C1QTNF3: variants seen among roughly 807,000 people sequenced by gnomAD.
C1QTNF3 encodes the protein C1q and TNF related 3, also known as complement C1q tumor necrosis factor-related protein 3.
Under a neutral mutation model 32.6 loss-of-function variants are expected in C1QTNF3, and 26 were observed. That is an observed-to-expected ratio of 0.80 (90% CI 0.58 to 1.11). The LOEUF (loss-of-function observed/expected upper bound fraction) is 1.11, where lower values mean the gene tolerates loss of function less well. Among genes scored for constraint, C1QTNF3 ranks in the 50% least tolerant of loss-of-function variants. C1QTNF3 has a pLI of 0.00. For missense variants in C1QTNF3, 362 were observed against 398.2 expected (o/e 0.91, Z 0.77); for synonymous variants, 155 against 146.0 (o/e 1.06, Z -0.44).
the C1QTNF3 span, among the ~76,000 whole-genome samples, chr5:34,129,882 T>C: frequency 6.6e-6 from 1 of 152,080 alleles, no homozygotes; most frequent in South Asian, 2.1e-4. Context: ...AATTTTCTCA[T>C]ATTCCATAAT....
chr5:34,203,221 CACAAAG>C, the C1QTNF3 span, among the ~76,000 whole-genome samples: 21 of 152,004 alleles, frequency 1.4e-4, no homozygotes, highest in Non-Finnish European at 2.2e-4. Flanking sequence ...TCCACCAAAC[CACAAAG>C]ACAAAGAGAC....
At chr5:34,137,919 A>C in the C1QTNF3 span, among the ~76,000 whole-genome samples, 1 of 152,220 alleles carries the variant, frequency 6.6e-6, no homozygotes, top group Non-Finnish European at 1.5e-5. Context: ...AATGCAACCC[A>C]TTTGGAGACA....
chr5:34,167,579 C>A, the C1QTNF3 span: 1 of 152,318 alleles, frequency 6.6e-6, no homozygotes, highest in African/African-American at 2.4e-5. Context: ...CCAAGCCACA[C>A]AACACCCAGC....
At chr5:34,223,842 G>A in the C1QTNF3 span, among the ~76,000 whole-genome samples, 1 of 152,084 alleles carries the variant, frequency 6.6e-6, no homozygotes, top group Admixed American at 6.6e-5. Flanking sequence ...ATTCAATTAG[G>A]AAAAGAGGAA....
At chr5:34,121,380 C>T in the C1QTNF3 span, among the ~76,000 whole-genome samples, 1 of 152,052 alleles carries the variant, frequency 6.6e-6, no homozygotes, top group Non-Finnish European at 1.5e-5. Context: ...ATTGGAGGTA[C>T]AGTTCCACAT....
upstream of C1QTNF3, among the ~76,000 whole-genome samples, chr5:34,044,204 C>CA (rs1254465247): frequency 6.6e-6 from 1 of 152,020 alleles, no homozygotes; most frequent in Non-Finnish European, 1.5e-5. Flanking sequence ...TTAATTCAGC[C>CA]AAAAAGAAAA....
rs942757630 is a variant in C1QTNF3 at position 34,018,242 on chromosome 5, T to A, written c.*2341A>T. ...TATAAATTTTCTATAGTGAGTTTTTTAAATAAAAATATATATATTTAAATA... is the reference window on the plus strand; with the variant it reads ...TATAAATTTTCTATAGTGAGTTTTTAAAATAAAAATATATATATTTAAATA... On this transcript the variant is annotated 3_prime_UTR_variant, in exon 6 of 6. Transcript: ENST00000382065. Among the ~76,000 whole-genome samples, 4 of 152,050 alleles carry A rather than the reference T, an allele frequency of 2.6e-5. No homozygotes were observed. The highest frequency in any genetic ancestry group is 3.8e-4 in the East Asian group (2 of 5,196).
the C1QTNF3 span, among the ~76,000 whole-genome samples, chr5:34,129,049 G>C: frequency 1.3e-5 from 2 of 152,030 alleles, no homozygotes; most frequent in Admixed American, 1.3e-4. Flanking sequence ...AATCATGGGG[G>C]CACACTTCCC....
chr5:34,069,881 A>G, the C1QTNF3 span, among the ~76,000 whole-genome samples: 1 of 152,196 alleles, frequency 6.6e-6, no homozygotes, highest in African/African-American at 2.4e-5. Context: ...TTAGAGTCAC[A>G]TAGAACAGAG....
chr5:34,205,615 C>T, the C1QTNF3 span, among the ~76,000 whole-genome samples: 1 of 152,056 alleles, frequency 6.6e-6, no homozygotes, highest in Non-Finnish European at 1.5e-5. Context: ...CCCATCCTTG[C>T]TTCCTGTACA....
At chr5:34,042,473 A>G (rs1413402076) in intron 1 of C1QTNF3, among the ~76,000 whole-genome samples, 1 of 152,156 alleles carries the variant, frequency 6.6e-6, no homozygotes, top group Non-Finnish European at 1.5e-5. Context: ...GTCTACAGTG[A>G]CCGATCTGTC....
intron 1 of C1QTNF3, among the ~76,000 whole-genome samples, chr5:34,040,290 A>G (rs1041987539): frequency 1.3e-5 from 2 of 152,104 alleles, no homozygotes; most frequent in South Asian, 2.1e-4. Context: ...TGCTCCATCA[A>G]TTTTGCAGAT....
the C1QTNF3 span, chr5:34,169,232 C>T: frequency 6.6e-6 from 1 of 152,052 alleles, no homozygotes; most frequent in Non-Finnish European, 1.5e-5. Flanking sequence ...CGAATTAACA[C>T]AATTGTGAGG....
At chr5:34,210,751 TC>T in the C1QTNF3 span, among the ~76,000 whole-genome samples, 1 of 152,064 alleles carries the variant, frequency 6.6e-6, no homozygotes, top group Non-Finnish European at 1.5e-5. Flanking sequence ...TTTTTATGAT[TC>T]CTTTGTGAGT....
chr5:34,135,287 A>C, the C1QTNF3 span, among the ~76,000 whole-genome samples: 1 of 152,164 alleles, frequency 6.6e-6, no homozygotes, highest in South Asian at 2.1e-4. Context: ...GTGGTGGATA[A>C]GCTTTTTGAT....
At chr5:34,119,689 G>C in the C1QTNF3 span, among the ~76,000 whole-genome samples, 2 of 152,082 alleles carry the variant, frequency 1.3e-5, no homozygotes, top group Non-Finnish European at 2.9e-5. Context: ...AACTTTGAGA[G>C]GCTGCCCAGA....
the C1QTNF3 span, among the ~76,000 whole-genome samples, chr5:34,091,844 T>C: frequency 6.6e-6 from 1 of 152,066 alleles, no homozygotes; most frequent in African/African-American, 2.4e-5. Context: ...TTGTAATTAT[T>C]TTTTATATGT....
chr5:34,169,464 C>A, the C1QTNF3 span, among the ~76,000 whole-genome samples: 4 of 151,914 alleles, frequency 2.6e-5, no homozygotes, highest in Non-Finnish European at 5.9e-5. Flanking sequence ...TCAGATTATG[C>A]ATGTTTTGCT....
chr5:34,084,986 CTTTTTTT>C, the C1QTNF3 span, among the ~76,000 whole-genome samples: 2 of 69,934 alleles, frequency 2.9e-5, no homozygotes, highest in African/African-American at 1.2e-4. Context: ...ACGTTTAAGT[CTTTTTTT>C]TTTTTTTTTT....
Sources: allele counts gnomAD v4.1 joint callset (sites outside exome capture counted in the v4.1 genomes callset), GRCh38; gene constraint gnomAD v4.1.1; transcripts MANE v1.5; gene names NCBI Gene and HGNC (gene_info 2026-07-23, HGNC 2026-07-21).